Variants in TBC1D7 observed in about 807,000 individuals in gnomAD.
TBC1D7 encodes TBC domain family 7.
A neutral mutation model predicts 35.3 loss-of-function variants in TBC1D7; 33 were observed. The observed-to-expected ratio is 0.93, with a 90% confidence interval of 0.71 to 1.25. TBC1D7 has a LOEUF of 1.25. Ranked by LOEUF, TBC1D7 falls within the 50% of genes most tolerant of loss-of-function variation. The pLI is 0.00. For missense variants in TBC1D7, 362 were observed against 365.3 expected (o/e 0.99, Z 0.07); for synonymous variants, 135 against 129.5 (o/e 1.04, Z -0.29).
At chr6:13,308,880 A>C (rs925922679) in intron 5 of TBC1D7, among the ~76,000 whole-genome samples, 1 of 152,190 alleles carries the variant, frequency 6.6e-6, no homozygotes, top group African/African-American at 2.4e-5. Flanking sequence ...TGATGCTATG[A>C]TGGGAACAAG....
At chr6:13,324,112 G>GT (rs924875532) in intron 3 of TBC1D7, among the ~76,000 whole-genome samples, 30 of 149,942 alleles carry the variant, frequency 2.0e-4, no homozygotes, top group African/African-American at 6.6e-4. Flanking sequence ...CAAACTGTAA[G>GT]TTTTTTTTTG....
At chr6:13,314,887 G>GA (rs892163370) in intron 5 of TBC1D7, among the ~76,000 whole-genome samples, 1 of 152,174 alleles carries the variant, frequency 6.6e-6, no homozygotes, top group African/African-American at 2.4e-5. Flanking sequence ...TAAATAAGGG[G>GA]AAAAAACTAG....
At chr6:13,320,483 AC>A (rs1783953205) in intron 4 of TBC1D7, 2 of 462,042 alleles carry the variant, frequency 4.3e-6, no homozygotes, top group Non-Finnish European at 3.8e-6. Context: ...TTAAAAAAAT[AC>A]GTTTTAAAAC....
Position 13,320,974 on chromosome 6 carries a change from A to T in TBC1D7, c.315T>A (p.Ala105=). 6.2e-7 allele frequency: 1 copy of T among 1,614,224 alleles called. No individual in the cohort carries two copies. Among genetic ancestry groups the T allele is most frequent in the Non-Finnish European group, 8.5e-7 (1 of 1,180,028 alleles). Residue 105 remains alanine (A), a synonymous_variant, in exon 4 of 8, where the codon GCT becomes GCA. Transcript: ENST00000379300. ...GCTGATACATGCGGAGATAGACTTCAGCCTGAGGTGTGGCATCACTAACAA... is the reference window on the plus strand; with the variant it reads ...GCTGATACATGCGGAGATAGACTTCTGCCTGAGGTGTGGCATCACTAACAA... The part of the protein sequence containing the change: ...VRFVSDATPQ[A]EVYLRMYQLE...
At chr6:13,321,490 A>G (rs1049725960) in intron 3 of TBC1D7, among the ~76,000 whole-genome samples, 1 of 152,220 alleles carries the variant, frequency 6.6e-6, no homozygotes, top group Non-Finnish European at 1.5e-5. Flanking sequence ...CCTACATCTC[A>G]GAACCACCAA....
At chr6:13,321,137 G>A (rs769999380) in intron 3 of TBC1D7, 42 bp from the exon 4 acceptor site, 6 of 1,546,914 alleles carry the variant, frequency 3.9e-6, no homozygotes, top group Non-Finnish European at 5.3e-6. Context: ...AAAATACTGA[G>A]CCATCACTCC....
Sources: gnomAD v4.1 joint callset for allele counts (sites outside exome capture counted in the v4.1 genomes callset) on GRCh38, gnomAD v4.1.1 for gene constraint, MANE v1.5 for transcripts, NCBI Gene and HGNC (gene_info 2026-07-23, HGNC 2026-07-21) for gene names.